Variants in RPS6KA5 observed in about 807,000 individuals in gnomAD.
RPS6KA5 encodes the protein ribosomal protein S6 kinase A5.
In RPS6KA5, 27 loss-of-function variants were observed where a neutral mutation model predicts 85.5. That is an observed-to-expected ratio of 0.32 (90% CI 0.23 to 0.44). The LOEUF (loss-of-function observed/expected upper bound fraction) is 0.44, where lower values mean the gene tolerates loss of function less well. Ranked by LOEUF, RPS6KA5 falls within the 20% of genes least tolerant of loss-of-function variation. RPS6KA5 has a pLI of 1.00. For synonymous variants in RPS6KA5, 334 were observed against 348.2 expected (o/e 0.96, Z 0.46); for missense variants, 811 against 980.9 (o/e 0.83, Z 2.31).
chr14:91,048,686 CAAGATG>C (rs1386255455), intron 1 of RPS6KA5, among the ~76,000 whole-genome samples: 1 of 152,088 alleles, frequency 6.6e-6, no homozygotes, highest in African/African-American at 2.4e-5. Flanking sequence ...CCCTGAAAAA[CAAGATG>C]AATGTAGGAG....
chr14:90,982,865 G>A (rs982466429), intron 2 of RPS6KA5, among the ~76,000 whole-genome samples: 4 of 152,120 alleles, frequency 2.6e-5, no homozygotes, highest in South Asian at 2.1e-4. Flanking sequence ...TGTAATCCCA[G>A]CACTTTGGGA....
chr14:90,894,576 G>A lies in RPS6KA5; in HGVS notation c.1481C>T (p.Thr494Met), dbSNP rs374156204. 1.9e-6 allele frequency: 3 copies of A among 1,613,686 alleles called. No individual in the cohort carries two copies. Among genetic ancestry groups the A allele is most frequent in the African/African-American group, 1.3e-5 (1 of 74,902 alleles). Residue 494 changes from threonine (T) to methionine (M), a missense_variant, in exon 13 of 17, where the codon ACG (threonine) becomes ATG (methionine). Around this residue, in one of 3 missense-constraint regions of RPS6KA5, gnomAD observed 650 missense variants for 793.4 expected, o/e 0.82. Coordinates refer to ENST00000614987, the MANE Select transcript of RPS6KA5 (RefSeq NM_004755.4). ...LHEVFHDQLH[T>M]FLVMELLNGG... The stretch of plus-strand genomic sequence containing the variant: ...ATTCAGAAGTTCCATCACTAGAAAC[G>A]TGTGAAGCTAGAAAAGAGAAAGAAT...
chr14:90,978,670 T>C (rs1418169816), intron 2 of RPS6KA5, 146 bp from the exon 3 acceptor site: 1 of 599,526 alleles, frequency 1.7e-6, no homozygotes, highest in South Asian at 2.5e-5. Flanking sequence ...AGTTATTTGA[T>C]AGATTTCTTC....
chr14:91,035,654 C>T (rs1173625694), intron 1 of RPS6KA5, among the ~76,000 whole-genome samples: 2 of 151,362 alleles, frequency 1.3e-5, no homozygotes, highest in Non-Finnish European at 2.9e-5. Flanking sequence ...GAAGGAGAAA[C>T]AAGATATACC....
At chr14:91,047,188 A>G (rs1055036603) in intron 1 of RPS6KA5, among the ~76,000 whole-genome samples, 3 of 152,244 alleles carry the variant, frequency 2.0e-5, no homozygotes, top group Non-Finnish European at 4.4e-5. Flanking sequence ...TGGTCCAGAA[A>G]AGATGTAAGG....
rs147761467 is a variant in RPS6KA5, at chr14:90,976,531, T to G, written c.394+1775A>C. The stretch of plus-strand genomic sequence containing the variant: ...TCCATTTGAATTTCTGTGTGTTCAT[T>G]TGAGGGAAGGGTCCTGCACTAAAAA... On this transcript the variant is annotated intron_variant, in intron 3 of 16. Transcript: ENST00000614987. Among the ~76,000 whole-genome samples the G allele has an allele frequency of 5.9e-5, 9 of 152,292 alleles. No homozygotes were observed. The East Asian group carries it at 1.7e-3, about 29-fold the overall frequency.
intron 2 of RPS6KA5, among the ~76,000 whole-genome samples, chr14:90,997,261 A>C (rs2040567444): frequency 6.6e-6 from 1 of 152,240 alleles, no homozygotes; most frequent in Non-Finnish European, 1.5e-5. Flanking sequence ...GAATTTATAG[A>C]ACCTTGTATT....
At chr14:90,908,608 G>C (rs915839626) in intron 7 of RPS6KA5, among the ~76,000 whole-genome samples, 1 of 152,324 alleles carries the variant, frequency 6.6e-6, no homozygotes, top group East Asian at 1.9e-4. Context: ...GTGACAGGAA[G>C]AGAACCAGAC....
intron 3 of RPS6KA5, among the ~76,000 whole-genome samples, chr14:90,958,708 A>G (rs1595338650): frequency 1.3e-5 from 2 of 152,318 alleles, no homozygotes; most frequent in South Asian, 2.1e-4. Flanking sequence ...CTGCACACAC[A>G]GCATTGAAAA....
chr14:90,890,398 T>C, intron 14 of RPS6KA5, 89 bp downstream of exon 14: 1 of 1,175,000 alleles, frequency 8.5e-7, no homozygotes, highest in Non-Finnish European at 1.1e-6. Flanking sequence ...AATTTTTTCA[T>C]GAATGTAAGG....
Position 90,853,484 on chromosome 14 carries a change from A to T in RPS6KA5, c.*18590T>A, listed in dbSNP as rs904181946. ...GATGCATCCCTTAAGTAACAACAAT[A>T]AAAAAAAAACCCAAAAACAAAACAA... On this transcript the variant is annotated 3_prime_UTR_variant, in exon 17 of 17. Transcript: ENST00000614987. 4.9e-5 allele frequency: 7 copies of T among 143,090 alleles called. No homozygotes were observed. The highest frequency in any genetic ancestry group is 2.1e-4 in the South Asian group (1 of 4,652). 8.9% of individuals were successfully genotyped at this position (143,090 alleles called of 1,614,324 possible).
intron 6 of RPS6KA5, among the ~76,000 whole-genome samples, chr14:90,922,653 TG>T (rs1323436283): frequency 6.6e-6 from 1 of 152,230 alleles, no homozygotes; most frequent in Non-Finnish European, 1.5e-5. Flanking sequence ...TTTGCCATGT[TG>T]GCCAGGTTGG....
intron 1 of RPS6KA5, among the ~76,000 whole-genome samples, chr14:91,030,120 AC>A (rs1312745380): frequency 6.6e-6 from 1 of 152,180 alleles, no homozygotes; most frequent in African/African-American, 2.4e-5. Context: ...TTATAGAAGC[AC>A]CTGTAATCAC....
At chr14:90,917,460 T>G (rs1038984899) in intron 7 of RPS6KA5, among the ~76,000 whole-genome samples, 1 of 152,178 alleles carries the variant, frequency 6.6e-6, no homozygotes, top group Non-Finnish European at 1.5e-5. Flanking sequence ...TTTGATAAGT[T>G]TTGACATATG....
intron 3 of RPS6KA5, among the ~76,000 whole-genome samples, chr14:90,974,014 G>A (rs1419901364): frequency 1.6e-5 from 2 of 124,288 alleles, no homozygotes; most frequent in East Asian, 5.6e-4. Context: ...CTACAGTCAA[G>A]GTGACAGAGT....
intron 7 of RPS6KA5, among the ~76,000 whole-genome samples, chr14:90,914,289 T>C (rs145427631): frequency 2.7e-3 from 398 of 147,258 alleles, no homozygotes; most frequent in African/African-American, 9.5e-3. Context: ...TTTTCCACAG[T>C]TGGAAGAATG....
intron 1 of RPS6KA5, among the ~76,000 whole-genome samples, chr14:91,036,403 C>T (rs1427837641): frequency 1.3e-5 from 2 of 152,220 alleles, no homozygotes; most frequent in Non-Finnish European, 2.9e-5. Context: ...ATTTTTACCA[C>T]TCTAAGTCCT....
rs1002037312 is a variant in RPS6KA5, at chr14:91,060,175, C to T, written c.103+157G>A. 4.4e-4 allele frequency: 430 copies of T among 969,296 alleles called. 1 individual carries two copies. In the African/African-American group the frequency reaches 4.7e-3, roughly 11 times the overall value. 60.0% of individuals were successfully genotyped at this position (969,296 alleles called of 1,614,324 possible). ...CAAGGCGCGCCCCCACCTCCCGGGA[C>T]CCCCGGGGCACGCGCCCCGACCGCG... On this transcript the variant is annotated intron_variant, in intron 1 of 16. Transcript: ENST00000614987.
chr14:91,056,183 C>A (rs1351440150), intron 1 of RPS6KA5, among the ~76,000 whole-genome samples: 2 of 152,192 alleles, frequency 1.3e-5, no homozygotes, highest in African/African-American at 4.8e-5. Context: ...ACTTCCTCGA[C>A]CTTCTCCTCA....
Sources: gnomAD v4.1 joint callset for allele counts (sites outside exome capture counted in the v4.1 genomes callset) on GRCh38, gnomAD v4.1.1 for gene constraint, gnomAD v4.1.1 regional missense constraint, MANE v1.5 for transcripts, NCBI Gene and HGNC (gene_info 2026-07-23, HGNC 2026-07-21) for gene names.